The following SGIP1 variants were observed in gnomAD, a reference collection of about 807,000 sequenced individuals.
SGIP1 encodes the protein SH3GL interacting endocytic adaptor 1.
SGIP1 carries 38 observed loss-of-function variants against 107.5 expected under a neutral mutation model. The ratio of observed to expected loss-of-function variants is 0.35; its 90% CI spans 0.27 to 0.46. The LOEUF (loss-of-function observed/expected upper bound fraction) is 0.46, where lower values mean the gene tolerates loss of function less well. Ranked by LOEUF, SGIP1 falls within the 20% of genes least tolerant of loss-of-function variation. SGIP1 has a pLI of 1.00. For synonymous variants in SGIP1, 365 were observed against 366.1 expected, an observed-to-expected ratio of 1.00 and a Z score of 0.03; for missense variants, 929 against 1,019.5, an observed-to-expected ratio of 0.91 and a Z score of 1.21.
At chr1:66,607,936 G>T (rs1384588449) in intron 1 of SGIP1, among the ~76,000 whole-genome samples, 1 of 152,200 alleles carries the variant, frequency 6.6e-6, no homozygotes, top group African/African-American at 2.4e-5. Flanking sequence ...TGGGAGAGGA[G>T]AATAGGGGAA....
intron 19 of SGIP1, among the ~76,000 whole-genome samples, chr1:66,728,769 G>A (rs745593105): frequency 1.2e-4 from 19 of 152,060 alleles, no homozygotes; most frequent in Non-Finnish European, 2.2e-4. Flanking sequence ...ATACTATGCA[G>A]CCATAAAAAA....
chr1:66,580,448 A>G (rs2061665332), intron 1 of SGIP1, among the ~76,000 whole-genome samples: 1 of 152,150 alleles, frequency 6.6e-6, no homozygotes, highest in Non-Finnish European at 1.5e-5. Flanking sequence ...CATACCACCT[A>G]AAATAGCGAT....
At chr1:66,602,165 A>G (rs902009554) in intron 1 of SGIP1, among the ~76,000 whole-genome samples, 1 of 152,196 alleles carries the variant, frequency 6.6e-6, no homozygotes, top group Admixed American at 6.5e-5. Context: ...GAAAGTCCAA[A>G]TAGATCCAAA....
intron 1 of SGIP1, among the ~76,000 whole-genome samples, chr1:66,572,069 T>C (rs1025641849): frequency 4.6e-5 from 7 of 152,022 alleles, no homozygotes; most frequent in African/African-American, 1.4e-4. Flanking sequence ...AGCACCACCA[T>C]AGTGTCCAAC....
chr1:66,610,505 G>A (rs1348697637), intron 1 of SGIP1, among the ~76,000 whole-genome samples: 2 of 152,138 alleles, frequency 1.3e-5, no homozygotes, highest in Non-Finnish European at 2.9e-5. Context: ...CTTACCTGAT[G>A]TTATGTAATT....
intron 18 of SGIP1, among the ~76,000 whole-genome samples, chr1:66,698,396 T>TTTG (rs2091330822): frequency 6.6e-6 from 1 of 151,342 alleles, no homozygotes; most frequent in Non-Finnish European, 1.5e-5. Context: ...TTTTTTTTTT[T>TTTG]GAGACGGAGT....
chr1:66,565,119 C>A (rs924866848), intron 1 of SGIP1, among the ~76,000 whole-genome samples: 68 of 151,936 alleles, frequency 4.5e-4, no homozygotes, highest in African/African-American at 1.6e-3. Flanking sequence ...AGTGATTCCC[C>A]CAGTAAATTT....
intron 1 of SGIP1, among the ~76,000 whole-genome samples, chr1:66,562,366 C>A (rs1005242829): frequency 6.6e-6 from 1 of 152,000 alleles, no homozygotes; most frequent in Non-Finnish European, 1.5e-5. Flanking sequence ...TAAAATTCTT[C>A]TCTGCAAAGG....
intron 2 of SGIP1, among the ~76,000 whole-genome samples, chr1:66,631,067 G>GAAAGAAAT (rs2074498822): frequency 7.3e-6 from 1 of 137,210 alleles, no homozygotes; most frequent in African/African-American, 2.6e-5. Context: ...AAGAAAGAAA[G>GAAAGAAAT]AAAGAAAGAA....
intron 1 of SGIP1, among the ~76,000 whole-genome samples, chr1:66,578,624 G>GT (rs1224450192): frequency 2.0e-5 from 3 of 152,148 alleles, no homozygotes; most frequent in African/African-American, 7.2e-5. Context: ...GCTTCAAACA[G>GT]TACATATCCT....
chr1:66,595,895 T>C (rs1364997856), intron 1 of SGIP1, among the ~76,000 whole-genome samples: 1 of 152,158 alleles, frequency 6.6e-6, no homozygotes, highest in Non-Finnish European at 1.5e-5. Flanking sequence ...GAAGAGAGAT[T>C]AGTGGCTTCC....
intron 12 of SGIP1, among the ~76,000 whole-genome samples, chr1:66,675,022 G>A (rs1245342506): frequency 6.6e-6 from 1 of 152,154 alleles, no homozygotes; most frequent in African/African-American, 2.4e-5. Flanking sequence ...GAATCCCTAT[G>A]TAAAGGTGGC....
intron 1 of SGIP1, among the ~76,000 whole-genome samples, chr1:66,563,378 C>G (rs1161146682): frequency 6.6e-6 from 1 of 151,986 alleles, no homozygotes; most frequent in Non-Finnish European, 1.5e-5. Context: ...TTTCAAGACA[C>G]AAATCTAGTC....
intron 17 of SGIP1, chr1:66,695,121 A>G (rs2090614870): frequency 8.6e-6 from 4 of 463,566 alleles, no homozygotes; most frequent in Non-Finnish European, 1.5e-5. Flanking sequence ...GTGCAGTTAA[A>G]ATATGCTGAC....
chr1:66,740,568 A>T lies in SGIP1; in HGVS notation c.2235-90A>T, dbSNP rs947526555. 8.8e-6 allele frequency: 7 copies of T among 793,560 alleles called. No individual in the cohort carries two copies. In the African/African-American group the frequency reaches 1.1e-4, roughly 12 times the overall value. 49.2% of individuals were successfully genotyped at this position (793,560 alleles called of 1,614,324 possible). ...GTGAAAGTTTTCAAGCTCTATTTTA[A>T]AAAATTAATACTATCTGGAAAAAAA... On this transcript the variant is annotated intron_variant, in intron 22 of 24. Coordinates refer to ENST00000371037, the MANE Select transcript of SGIP1 (RefSeq NM_032291.4).
At position 66,736,452 on chromosome 1, in the gene SGIP1, G is replaced by A. The variant is rs1206248259; in HGVS notation, c.2031+2572G>A. Reference sequence around the variant, plus strand: ...GTATTATATGTGAATATAATATATTGCGTATTATATGTGAATATAATATAT... The same window carrying A: ...GTATTATATGTGAATATAATATATTACGTATTATATGTGAATATAATATAT... On this transcript the variant is annotated intron_variant, in intron 21 of 24. Transcript: ENST00000371037. 5.6e-4 allele frequency among the ~76,000 whole-genome samples: 60 copies of A among 106,458 alleles called. 2 individuals are homozygous for A. The highest frequency in any genetic ancestry group is 1.7e-3 in the African/African-American group (50 of 28,992). The allele number at this position is 106,458 out of a possible 152,430, so 69.8% of individuals were successfully genotyped here. A position where few individuals can be genotyped will look rare whatever the true frequency, so the allele number is the denominator to read the frequency against.
intron 18 of SGIP1, among the ~76,000 whole-genome samples, chr1:66,706,688 G>A (rs913186166): frequency 5.9e-5 from 9 of 151,616 alleles, no homozygotes; most frequent in African/African-American, 1.9e-4. Context: ...AAAACAGAAA[G>A]GTATTTTTAA....
At chr1:66,615,784 G>A (rs1365917145) in intron 1 of SGIP1, among the ~76,000 whole-genome samples, 1 of 152,198 alleles carries the variant, frequency 6.6e-6, no homozygotes, top group Non-Finnish European at 1.5e-5. Context: ...ATGGAAGGAT[G>A]TGAAGAAAAT....
intron 7 of SGIP1, among the ~76,000 whole-genome samples, chr1:66,651,482 C>T (rs1467356620): frequency 6.7e-6 from 1 of 149,548 alleles, no homozygotes; most frequent in Non-Finnish European, 1.5e-5. Flanking sequence ...AAGCCATTGA[C>T]TCTCTTTCTA....
Sources: allele counts gnomAD v4.1 joint callset (sites outside exome capture counted in the v4.1 genomes callset), GRCh38; gene constraint gnomAD v4.1.1; transcripts MANE v1.5; gene names NCBI Gene and HGNC (gene_info 2026-07-23, HGNC 2026-07-21).